PPP2R5E: variants seen among roughly 807,000 people sequenced by gnomAD.
PPP2R5E encodes serine/threonine-protein phosphatase 2A 56 kDa regulatory subunit epsilon isoform.
PPP2R5E carries 4 observed loss-of-function variants against 65.3 expected under a neutral mutation model. That is an observed-to-expected ratio of 0.06 (90% CI 0.03 to 0.14). The LOEUF (loss-of-function observed/expected upper bound fraction) is 0.14. PPP2R5E is among the 10% of genes least tolerant of loss of function. The pLI is 1.00. For synonymous variants in PPP2R5E, 183 were observed against 187.4 expected (o/e 0.98, Z 0.19); for missense variants, 274 against 556.1 (o/e 0.49, Z 5.10).
intron 2 of PPP2R5E, among the ~76,000 whole-genome samples, chr14:63,489,371 T>C (rs1192145243): frequency 2.6e-5 from 4 of 151,846 alleles, no homozygotes; most frequent in Non-Finnish European, 5.9e-5. Context: ...ATACTCAATG[T>C]TGGTCACCAA....
intron 3 of PPP2R5E, among the ~76,000 whole-genome samples, chr14:63,423,579 A>G (rs1887163109): frequency 1.3e-5 from 2 of 152,292 alleles, no homozygotes; most frequent in South Asian, 4.1e-4. Flanking sequence ...ATGCGTAAAA[A>G]GTGAGAAGGG....
chr14:63,435,732 G>A (rs1017620801), intron 3 of PPP2R5E, among the ~76,000 whole-genome samples: 5 of 152,076 alleles, frequency 3.3e-5, no homozygotes, highest in South Asian at 2.1e-4. Context: ...GCTTCCATTC[G>A]GCTCCTATTT....
In PPP2R5E at chr14:63,389,732, C is replaced by CTGTA; in HGVS notation, c.955-5_955-2dup. 1 of 1,595,690 alleles carries CTGTA rather than the reference C, an allele frequency of 6.3e-7. No individual in the cohort carries two copies. The highest frequency in any genetic ancestry group is 8.5e-7 in the Non-Finnish European group (1 of 1,172,792). On this transcript the variant is annotated splice_acceptor_variant, in intron 10 of 13. Transcript: ENST00000337537. LOFTEE classifies it high-confidence loss of function. ...CTTCCAGTTCCCCAAGGAACATGAC[C>CTGTA]TGTAAGTACAAGCAAAATACAAGAT...
intron 2 of PPP2R5E, among the ~76,000 whole-genome samples, chr14:63,519,617 G>C (rs1215016167): frequency 1.3e-5 from 2 of 150,310 alleles, no homozygotes; most frequent in African/African-American, 4.9e-5. Context: ...GCCTCTCAAA[G>C]TGCTGGGATG....
At chr14:63,425,314 G>T (rs116488039) in intron 3 of PPP2R5E, among the ~76,000 whole-genome samples, 1 of 152,046 alleles carries the variant, frequency 6.6e-6, no homozygotes. Flanking sequence ...ATCAACCTAC[G>T]ACTTCCCTTC....
chr14:63,446,036 T>C (rs984384712), intron 3 of PPP2R5E, among the ~76,000 whole-genome samples: 1 of 152,246 alleles, frequency 6.6e-6, no homozygotes. Flanking sequence ...AAATCCTTTG[T>C]TGTCATTTCA....
At chr14:63,518,181 T>C (rs776541160) in intron 2 of PPP2R5E, among the ~76,000 whole-genome samples, 1 of 152,164 alleles carries the variant, frequency 6.6e-6, no homozygotes, top group Non-Finnish European at 1.5e-5. Flanking sequence ...CCTTAAGCAA[T>C]CCTCCTGCCT....
Position 63,393,916 on chromosome 14 carries a change from G to A in PPP2R5E, c.753C>T (p.Gly251=), listed in dbSNP as rs568308567. The change falls in exon 8 of 14, where the codon GGC becomes GGT. Residue 251 remains glycine, a synonymous_variant. Transcript: ENST00000337537. Reference sequence around the variant, plus strand: ...GTTCTGCCTTAAGAGGTAAAGCAAAGCCATTGATAATACTAGGGAGAAAAA... The same window carrying A: ...GTTCTGCCTTAAGAGGTAAAGCAAAACCATTGATAATACTAGGGAGAAAAA... ...LLEILGSIIN[G]FALPLKAEHK... is the part of the protein sequence containing the mutation. 4 of 1,602,890 alleles carry A rather than the reference G, an allele frequency of 2.5e-6. No individual in the cohort carries two copies. In the Admixed American group the frequency reaches 5.0e-5, roughly 20 times the overall value.
intron 2 of PPP2R5E, among the ~76,000 whole-genome samples, chr14:63,520,859 CA>C (rs748146106): frequency 0.02 from 1,157 of 58,178 alleles, 11 homozygotes; most frequent in African/African-American, 0.044. Flanking sequence ...ACTAAAAATA[CA>C]AAAAAAAAAA....
intron 5 of PPP2R5E, among the ~76,000 whole-genome samples, chr14:63,411,962 T>C (rs1028257820): frequency 6.6e-6 from 1 of 152,228 alleles, no homozygotes; most frequent in African/African-American, 2.4e-5. Flanking sequence ...TATAATAGTG[T>C]GCACTGTACC....
intron 3 of PPP2R5E, among the ~76,000 whole-genome samples, chr14:63,430,785 A>C (rs2139921679): frequency 6.6e-6 from 1 of 152,356 alleles, no homozygotes; most frequent in East Asian, 1.9e-4. Context: ...TTCACTGGTA[A>C]TTTGTTCAAT....
chr14:63,400,257 T>C (rs1885669531), intron 5 of PPP2R5E, among the ~76,000 whole-genome samples: 1 of 152,196 alleles, frequency 6.6e-6, no homozygotes, highest in South Asian at 2.1e-4. Context: ...CCTATTCTAA[T>C]GGGGAATACA....
chr14:63,402,873 A>T (rs1477003072), intron 5 of PPP2R5E, among the ~76,000 whole-genome samples: 2 of 152,224 alleles, frequency 1.3e-5, no homozygotes, highest in Non-Finnish European at 2.9e-5. Flanking sequence ...AAAGTCATCA[A>T]TGTCAATATA....
At chr14:63,379,227 A>C (rs978375475) in intron 13 of PPP2R5E, among the ~76,000 whole-genome samples, 7 of 151,738 alleles carry the variant, frequency 4.6e-5, no homozygotes, top group Non-Finnish European at 8.8e-5. Context: ...ACGGGGTTTC[A>C]CCATGTTAGC....
chr14:63,394,246 C>A (rs556749243), intron 7 of PPP2R5E, among the ~76,000 whole-genome samples: 1 of 151,912 alleles, frequency 6.6e-6, no homozygotes, highest in African/African-American at 2.4e-5. Context: ...CCATGCCTGG[C>A]TAATTTTTTT....
At chr14:63,505,056 C>T (rs1254874528) in intron 2 of PPP2R5E, among the ~76,000 whole-genome samples, 14 of 152,156 alleles carry the variant, frequency 9.2e-5, no homozygotes, top group African/African-American at 1.7e-4. Flanking sequence ...TAAGACCGGC[C>T]GGGCGTGGTG....
Position 63,391,860 on chromosome 14 carries a change from C to T in PPP2R5E, c.911G>A (p.Arg304Lys). 2 of 1,613,364 alleles carry T rather than the reference C, an allele frequency of 1.2e-6. No individual in the cohort carries two copies. The highest frequency in any genetic ancestry group is 1.7e-6 in the Non-Finnish European group (2 of 1,179,394). The change falls in exon 10 of 14, where the codon AGG (arginine) becomes AAG (lysine). Residue 304 changes from arginine (R) to lysine (K), a missense_variant. By Grantham distance (26) the Arg-to-Lys change is conservative. Coordinates refer to ENST00000337537, the MANE Select transcript of PPP2R5E (RefSeq NM_006246.5). The stretch of plus-strand genomic sequence containing the variant: ...TTTAGGCCAAAATTTCATTAACCCC[C>T]TAATAACCTAAAATGAAAAGGAGAA... ...KDPSLTEPVI[R>K]GLMKFWPKTC...
At chr14:63,520,147 C>T (rs530796410) in intron 2 of PPP2R5E, among the ~76,000 whole-genome samples, 2 of 152,140 alleles carry the variant, frequency 1.3e-5, no homozygotes, top group African/African-American at 2.4e-5. Context: ...GCCATTCTCC[C>T]GCCTCAGCCT....
chr14:63,527,177 A>G (rs1219809876), intron 2 of PPP2R5E, among the ~76,000 whole-genome samples: 2 of 152,208 alleles, frequency 1.3e-5, no homozygotes, highest in Admixed American at 6.5e-5. Flanking sequence ...CTCAAAAAAA[A>G]AGAAAGTTTA....
Sources: gnomAD v4.1 joint callset for allele counts (sites outside exome capture counted in the v4.1 genomes callset) on GRCh38, gnomAD v4.1.1 for gene constraint, MANE v1.5 for transcripts, NCBI Gene and HGNC (gene_info 2026-07-23, HGNC 2026-07-21) for gene names.